AGBL4: variants seen among roughly 807,000 people sequenced by gnomAD.
The protein encoded by AGBL4 is AGBL carboxypeptidase 4, also known as cytosolic carboxypeptidase 6.
A neutral mutation model predicts 66.4 loss-of-function variants in AGBL4; 58 were observed. The ratio of observed to expected loss-of-function variants is 0.87; its 90% CI spans 0.71 to 1.09. The LOEUF (loss-of-function observed/expected upper bound fraction) is 1.09, where lower values mean the gene tolerates loss of function less well. AGBL4 is among the 50% of genes least tolerant of loss of function. The probability of loss-of-function intolerance (pLI) is 0.00; values close to 1 mark genes in which losing one functional copy is unlikely to be tolerated. For synonymous variants in AGBL4, 234 were observed against 222.9 expected (o/e 1.05, Z -0.44); for missense variants, 579 against 631.0 (o/e 0.92, Z 0.88).
intron 3 of AGBL4, among the ~76,000 whole-genome samples, chr1:49,470,498 A>G (rs1472869403): frequency 6.6e-6 from 1 of 152,034 alleles, no homozygotes; most frequent in Non-Finnish European, 1.5e-5. Flanking sequence ...TAGAAGTGTC[A>G]TTACCAAATA....
At chr1:49,457,917 G>C (rs75244010) in intron 3 of AGBL4, among the ~76,000 whole-genome samples, 2 of 151,562 alleles carry the variant, frequency 1.3e-5, no homozygotes, top group Admixed American at 6.6e-5. Flanking sequence ...CCATTGATCT[G>C]TGTGCCTATT....
intron 3 of AGBL4, among the ~76,000 whole-genome samples, chr1:49,653,940 T>C (rs962328024): frequency 1.3e-5 from 2 of 152,040 alleles, no homozygotes; most frequent in Admixed American, 6.6e-5. Context: ...CCTAGCAAGA[T>C]AGTCCAATGT....
At chr1:49,916,769 G>T (rs1230161548) in intron 1 of AGBL4, among the ~76,000 whole-genome samples, 1 of 151,960 alleles carries the variant, frequency 6.6e-6, no homozygotes. Flanking sequence ...AGCAACTCCA[G>T]GACACATAAT....
At chr1:49,563,352 A>T (rs935996052) in intron 3 of AGBL4, among the ~76,000 whole-genome samples, 1 of 152,066 alleles carries the variant, frequency 6.6e-6, no homozygotes, top group Non-Finnish European at 1.5e-5. Flanking sequence ...TATGTTGAAT[A>T]GGAGTGGTGA....
chr1:49,119,293 G>T (rs1251280615), intron 4 of AGBL4, among the ~76,000 whole-genome samples: 4 of 152,102 alleles, frequency 2.6e-5, no homozygotes, highest in Non-Finnish European at 5.9e-5. Flanking sequence ...TGATGTTAGG[G>T]TGTCGATTTT....
intron 3 of AGBL4, among the ~76,000 whole-genome samples, chr1:49,614,361 C>T (rs980243666): frequency 1.3e-5 from 2 of 151,992 alleles, no homozygotes; most frequent in Non-Finnish European, 2.9e-5. Flanking sequence ...TGAGATTCTT[C>T]CATGTTGTTA....
intron 6 of AGBL4, among the ~76,000 whole-genome samples, chr1:48,676,534 G>C (rs1052537970): frequency 6.6e-6 from 1 of 152,216 alleles, no homozygotes; most frequent in Non-Finnish European, 1.5e-5. Context: ...TGTAAAGCAC[G>C]TAGAATAGTG....
At chr1:49,363,539 G>A (rs1462318823) in intron 3 of AGBL4, among the ~76,000 whole-genome samples, 1 of 152,172 alleles carries the variant, frequency 6.6e-6, no homozygotes, top group East Asian at 1.9e-4. Context: ...TGCTGAAAAT[G>A]AGTTGTTTGA....
chr1:49,869,992 A>C (rs533396586), intron 1 of AGBL4, among the ~76,000 whole-genome samples: 1 of 152,304 alleles, frequency 6.6e-6, no homozygotes, highest in East Asian at 1.9e-4. Flanking sequence ...TGAAATGATA[A>C]ATGTTTGAGG....
chr1:49,248,334 TA>T (rs1651801224), intron 3 of AGBL4, among the ~76,000 whole-genome samples: 1 of 152,236 alleles, frequency 6.6e-6, no homozygotes, highest in Non-Finnish European at 1.5e-5. Context: ...GTATAGCTTT[TA>T]AAATGACAGA....
chr1:49,175,046 G>A (rs1646806466), intron 4 of AGBL4: 1 of 152,004 alleles, frequency 6.6e-6, no homozygotes, highest in Non-Finnish European at 1.5e-5. Flanking sequence ...AAAAATCATG[G>A]TTTTGAGATT....
chr1:49,203,745 G>A (rs1318084092), intron 4 of AGBL4, among the ~76,000 whole-genome samples: 1 of 152,084 alleles, frequency 6.6e-6, no homozygotes, highest in African/African-American at 2.4e-5. Flanking sequence ...TGGAGGCTGA[G>A]GTGAGCCGAG....
intron 4 of AGBL4, among the ~76,000 whole-genome samples, chr1:49,243,637 T>C (rs997802689): frequency 1.3e-5 from 2 of 151,722 alleles, no homozygotes; most frequent in African/African-American, 4.8e-5. Context: ...AGCATATTCA[T>C]CCTGTATCCC....
chr1:49,883,030 T>C (rs937870202), intron 1 of AGBL4, among the ~76,000 whole-genome samples: 1 of 152,166 alleles, frequency 6.6e-6, no homozygotes, highest in Non-Finnish European at 1.5e-5. Context: ...ATGGCTTTAA[T>C]AAACACTGTT....
chr1:49,490,415 A>C (rs904113748), intron 3 of AGBL4, among the ~76,000 whole-genome samples: 1 of 151,570 alleles, frequency 6.6e-6, no homozygotes. Flanking sequence ...TTTTTCCTAC[A>C]TATTGCTGGA....
intron 6 of AGBL4, among the ~76,000 whole-genome samples, chr1:48,856,616 A>C (rs1647161064): frequency 1.3e-5 from 2 of 152,204 alleles, no homozygotes; most frequent in Non-Finnish European, 2.9e-5. Context: ...AGTTCAAATC[A>C]TAGGAGACTT....
At chr1:49,912,394 T>C (rs1312224011) in intron 1 of AGBL4, among the ~76,000 whole-genome samples, 1 of 152,212 alleles carries the variant, frequency 6.6e-6, no homozygotes, top group Non-Finnish European at 1.5e-5. Flanking sequence ...TAGGAAGGCT[T>C]CTCTGAGAAC....
intron 1 of AGBL4, among the ~76,000 whole-genome samples, chr1:49,988,247 T>C (rs1659666745): frequency 6.6e-6 from 1 of 152,282 alleles, no homozygotes; most frequent in Middle Eastern, 3.4e-3. Flanking sequence ...TATGCTTTAA[T>C]CAAGAATGCA....
chr1:49,765,224 A>T (rs543162634), intron 2 of AGBL4, among the ~76,000 whole-genome samples: 4 of 151,942 alleles, frequency 2.6e-5, no homozygotes, highest in South Asian at 4.2e-4. Flanking sequence ...GTAAACAAAG[A>T]TCAGTACAAA....
Sources: gnomAD v4.1 joint callset for allele counts (sites outside exome capture counted in the v4.1 genomes callset) on GRCh38, gnomAD v4.1.1 for gene constraint, MANE v1.5 for transcripts, NCBI Gene and HGNC (gene_info 2026-07-23, HGNC 2026-07-21) for gene names.